Variants in ZBTB47 observed in about 807,000 individuals in gnomAD.
The protein encoded by ZBTB47 is zinc finger and BTB domain containing 47, also known as zinc finger and BTB domain-containing protein 47.
In ZBTB47, 24 loss-of-function variants were observed where a neutral mutation model predicts 56.6. That is an observed-to-expected ratio of 0.42 (90% confidence interval 0.31 to 0.60). The LOEUF (loss-of-function observed/expected upper bound fraction) is 0.60. ZBTB47 is among the 20% of genes least tolerant of loss of function. The probability of loss-of-function intolerance (pLI) is 0.14; values close to 1 mark genes in which losing one functional copy is unlikely to be tolerated. For missense variants in ZBTB47, 829 were observed against 1,032.6 expected (o/e 0.80, Z 2.70); for synonymous variants, 414 against 418.9 (o/e 0.99, Z 0.14).
intron 5 of ZBTB47, 122 bp downstream of exon 5, chr3:42,664,063 T>C: frequency 6.8e-7 from 1 of 1,472,194 alleles, no homozygotes; most frequent in Admixed American, 2.2e-5. Flanking sequence ...CGTTTACCCA[T>C]GCTTCCTGCC....
At position 42,665,930 on chromosome 3, in the gene ZBTB47, C is replaced by T. The variant is rs865913866; in HGVS notation, c.*1332C>T. Reference sequence around the variant, plus strand: ...TACATGTTTCCTAGTTAAGCTCTTTCCTATTGTGTTTATACAGTTTTGTTT... The same window carrying T: ...TACATGTTTCCTAGTTAAGCTCTTTTCTATTGTGTTTATACAGTTTTGTTT... On this transcript the variant is annotated 3_prime_UTR_variant, in exon 6 of 6. Coordinates refer to ENST00000232974, the MANE Select transcript of ZBTB47 (RefSeq NM_145166.4). The T allele has an allele frequency of 6.6e-6, 1 of 152,662 alleles. No homozygotes were observed. The highest frequency in any genetic ancestry group is 6.5e-5 in the Admixed American group (1 of 15,290). The allele number at this position is 152,662 out of a possible 1,614,324, so 9.5% of individuals were successfully genotyped here.
chr3:42,665,943 T>C lies in ZBTB47; in HGVS notation c.*1345T>C, dbSNP rs2125839894. ...GTTAAGCTCTTTCCTATTGTGTTTA[T>C]ACAGTTTTGTTTGTTATACTCTTTG... On this transcript the variant is annotated 3_prime_UTR_variant, in exon 6 of 6. Coordinates refer to ENST00000232974, the MANE Select transcript of ZBTB47 (RefSeq NM_145166.4). 6.5e-6 allele frequency: 1 copy of C among 152,820 alleles called. No homozygotes were observed. Among genetic ancestry groups the C allele is most frequent in the Admixed American group, 6.5e-5 (1 of 15,312 alleles). The allele number at this position is 152,820 out of a possible 1,614,324, so 9.5% of individuals were successfully genotyped here.
At position 42,658,965 on chromosome 3, in the gene ZBTB47, C is replaced by T; in HGVS notation, c.610C>T (p.Pro204Ser). The change falls in exon 2 of 6, where the codon CCA becomes TCA. Residue 204 changes from proline to serine, a missense_variant. By Grantham distance (74) the Pro-to-Ser change is moderately conservative. Transcript: ENST00000232974. The part of the protein sequence containing the change: ...EGGVEEAGGP[P>S]ASLCKLEGGE... ...TGGTGTCGAGGAGGCCGGTGGGCCC[C>T]CAGCCAGCTTGTGCAAGCTGGAGGG... 1 of 1,509,356 alleles carries T rather than the reference C, an allele frequency of 6.6e-7. No homozygotes were observed. The allele number at this position is 1,509,356 out of a possible 1,614,324, so 93.5% of individuals were successfully genotyped here.
chr3:42,663,785 C>A lies in ZBTB47; in HGVS notation c.1738-12C>A. 1 of 1,612,642 alleles carries A rather than the reference C, an allele frequency of 6.2e-7. No individual in the cohort carries two copies. The highest frequency in any genetic ancestry group is 1.3e-5 in the African/African-American group (1 of 74,926). ...TCTGTGCCTGGGCCTCACCCCCAAA[C>A]CCCACCCCCAGAACTGCAATGAGCG... On this transcript the variant is annotated splice_polypyrimidine_tract_variant and intron_variant, in intron 4 of 5. Transcript: ENST00000232974. The surrounding 1 kb of genome is among the most constrained non-coding windows in gnomAD (Gnocchi z 5.1).
Position 42,654,969 on chromosome 3 carries a change from C to T in ZBTB47, c.-82+1086C>T, listed in dbSNP as rs1710621116. On this transcript the variant is annotated intron_variant, in intron 1 of 5. Coordinates refer to ENST00000232974, the MANE Select transcript of ZBTB47 (RefSeq NM_145166.4). This position sits in a 1 kb window ranked among gnomAD's most constrained non-coding sequence, Gnocchi z 5.0. Reference sequence around the variant, plus strand: ...GCGAAGGGGGGCGCTCCCCTGCGCCCGGACGGCGCCGCCCTCGGGCTGGGT... The same window carrying T: ...GCGAAGGGGGGCGCTCCCCTGCGCCTGGACGGCGCCGCCCTCGGGCTGGGT... Among the ~76,000 whole-genome samples the T allele has an allele frequency of 6.6e-6, 1 of 152,040 alleles. No individual in the cohort carries two copies. Among genetic ancestry groups the T allele is most frequent in the African/African-American group, 2.4e-5 (1 of 41,412 alleles).
Position 42,665,845 on chromosome 3 carries a change from TTTG to T in ZBTB47, c.*1252_*1254del, listed in dbSNP as rs1292028520. ...GGCTAGCACTAATAGGAAACCCTTTTTTGTTGTCATTTAATGTCTTTATTCCTG... is the reference window on the plus strand; with the variant it reads ...GGCTAGCACTAATAGGAAACCCTTTTTTGTCATTTAATGTCTTTATTCCTG... On this transcript the variant is annotated 3_prime_UTR_variant, in exon 6 of 6. Transcript: ENST00000232974. The T allele has an allele frequency of 2.6e-5, 4 of 152,682 alleles. No individual in the cohort carries two copies. The highest frequency in any genetic ancestry group is 9.6e-5 in the African/African-American group (4 of 41,470). 9.5% of individuals were successfully genotyped at this position (152,682 alleles called of 1,614,324 possible).
Position 42,663,945 on chromosome 3 carries a change from C to T in ZBTB47, c.1882+4C>T, listed in dbSNP as rs918953486. ...GAGCACATGAAGACCCACACAGGTG[C>T]GGCTGCCCCTGGGGACGGAGCTCGG... On this transcript the variant is annotated splice_donor_region_variant and intron_variant, in intron 5 of 5. Coordinates refer to ENST00000232974, the MANE Select transcript of ZBTB47 (RefSeq NM_145166.4). The surrounding 1 kb of genome is among the most constrained non-coding windows in gnomAD (Gnocchi z 5.1). 6.4e-5 allele frequency: 103 copies of T among 1,608,074 alleles called. No homozygotes were observed. Among genetic ancestry groups the T allele is most frequent in the Non-Finnish European group, 8.0e-5 (94 of 1,176,406 alleles).
chr3:42,655,667 G>T (rs1710633289), intron 1 of ZBTB47, among the ~76,000 whole-genome samples: 1 of 152,220 alleles, frequency 6.6e-6, no homozygotes, highest in African/African-American at 2.4e-5. Flanking sequence ...GGCTGTGGAG[G>T]CCAGCACAGC....
chr3:42,657,716 G>A (rs1710654977), intron 1 of ZBTB47, among the ~76,000 whole-genome samples: 1 of 152,240 alleles, frequency 6.6e-6, no homozygotes, highest in East Asian at 1.9e-4. Context: ...GCAGTGAGCA[G>A]TGAGCCCGGC....
intron 2 of ZBTB47, among the ~76,000 whole-genome samples, chr3:42,660,388 T>A (rs1458192589): frequency 6.6e-6 from 1 of 152,190 alleles, no homozygotes; most frequent in African/African-American, 2.4e-5. Context: ...GCCCCCACTT[T>A]CAGCTCTTTG....
At chr3:42,662,253 G>T (rs184379249) in intron 3 of ZBTB47, among the ~76,000 whole-genome samples, 6 of 152,228 alleles carry the variant, frequency 3.9e-5, no homozygotes, top group Non-Finnish European at 7.3e-5. Flanking sequence ...GGGCCTTGAG[G>T]GGGAGGGGTA....
rs1334484023 is a variant in ZBTB47, at chr3:42,665,282, C to G, written c.*684C>G. ...GGACCCCAGGGACTTGCCTTCCCCA[C>G]CCACTCTGCTGCCAGCAGGCCCAGG... is the stretch of plus-strand genomic sequence containing the variant. On this transcript the variant is annotated 3_prime_UTR_variant, in exon 6 of 6. Transcript: ENST00000232974. 1 of 152,668 alleles carries G rather than the reference C, an allele frequency of 6.6e-6. No homozygotes were observed. The highest frequency in any genetic ancestry group is 1.5e-5 in the Non-Finnish European group (1 of 68,166). 9.5% of individuals were successfully genotyped at this position (152,668 alleles called of 1,614,324 possible). A position where few individuals can be genotyped will look rare whatever the true frequency, so the allele number is the denominator to read the frequency against.
intron 2 of ZBTB47, among the ~76,000 whole-genome samples, chr3:42,660,080 A>G (rs1710695167): frequency 6.6e-6 from 1 of 152,228 alleles, no homozygotes; most frequent in East Asian, 1.9e-4. Flanking sequence ...GGATTGGAAC[A>G]AACAGTACCC....
rs1161017204 is a variant in ZBTB47 at position 42,666,550 on chromosome 3, G to T, written c.*1952G>T. Among the ~76,000 whole-genome samples, 1 of 152,124 alleles carries T rather than the reference G, an allele frequency of 6.6e-6. No homozygotes were observed. Among genetic ancestry groups the T allele is most frequent in the African/African-American group, 2.4e-5 (1 of 41,436 alleles). The stretch of plus-strand genomic sequence containing the variant: ...GGCTCACATTTTCCCAAAAAAAGTT[G>T]ATCTCTCCCAGTGGGCTGTAGGCAG... On this transcript the variant is annotated 3_prime_UTR_variant, in exon 6 of 6. Coordinates refer to ENST00000232974, the MANE Select transcript of ZBTB47 (RefSeq NM_145166.4).
At position 42,659,524 on chromosome 3, in the gene ZBTB47, C is replaced by T. The variant is rs769013061; in HGVS notation, c.1169C>T (p.Thr390Ile). 2 of 1,556,758 alleles carry T rather than the reference C, an allele frequency of 1.3e-6. No homozygotes were observed. The highest frequency in any genetic ancestry group is 1.7e-6 in the Non-Finnish European group (2 of 1,153,538). Residue 390 changes from threonine (T) to isoleucine (I), a missense_variant, in exon 2 of 6, where the codon ACC becomes ATC. Physicochemically the swap from Thr to Ile is moderately conservative, Grantham distance 89 (BLOSUM62 -1). Transcript: ENST00000232974. ...CGGGAGAACGCCCGGCGCCGGGGTA[C>T]CCCTGAACCTGAAGAAGCTGGGCGG... The part of the protein sequence containing the change: ...RSRENARRRG[T>I]PEPEEAGRRG...
intron 2 of ZBTB47, among the ~76,000 whole-genome samples, chr3:42,661,058 G>A (rs67174294): frequency 0.12 from 18,347 of 152,162 alleles, 1,443 homozygotes; most frequent in African/African-American, 0.22. Flanking sequence ...TCATGGCACA[G>A]GTCCCAGCAG....
chr3:42,659,138 A>T lies in ZBTB47; in HGVS notation c.783A>T (p.Pro261=), dbSNP rs339723. 6.7e-7 allele frequency: 1 copy of T among 1,502,112 alleles called. No individual in the cohort carries two copies. The highest frequency in any genetic ancestry group is 2.5e-5 in the East Asian group (1 of 40,488). The allele number at this position is 1,502,112 out of a possible 1,614,324, so 93.0% of individuals were successfully genotyped here. ...PEGKPGAGPS[P]ATVVLGREDG... is the part of the protein sequence containing the mutation. ...GGAAGCCAGGTGCCGGGCCAAGCCC[A>T]GCCACCGTGGTTCTGGGCCGGGAGG... is the stretch of plus-strand genomic sequence containing the variant. Residue 261 remains proline, a synonymous_variant, in exon 2 of 6, where the codon CCA becomes CCT. Transcript: ENST00000232974.
At chr3:42,653,195 G>A (rs1710587780), upstream of ZBTB47, among the ~76,000 whole-genome samples, 1 of 152,178 alleles carries the variant, frequency 6.6e-6, no homozygotes, top group Admixed American at 6.5e-5. Flanking sequence ...CAATCTTACA[G>A]GACAGACCAT....
At chr3:42,657,047 G>A (rs1439010766) in intron 1 of ZBTB47, among the ~76,000 whole-genome samples, 1 of 152,240 alleles carries the variant, frequency 6.6e-6, no homozygotes, top group Non-Finnish European at 1.5e-5. Context: ...GGTCCAGCTG[G>A]GCTGGTGGTT....
Sources: allele counts gnomAD v4.1 joint callset (sites outside exome capture counted in the v4.1 genomes callset), GRCh38; gene constraint gnomAD v4.1.1; non-coding constraint Gnocchi (gnomAD v3.1); transcripts MANE v1.5; gene names NCBI Gene and HGNC (gene_info 2026-07-23, HGNC 2026-07-21).